The following CEP350 variants were observed in gnomAD, a reference collection of about 807,000 sequenced individuals.
The protein encoded by CEP350 is centrosome-associated protein 350.
In CEP350, 126 loss-of-function variants were observed where a neutral mutation model predicts 331.8. The observed-to-expected ratio is 0.38, with a 90% confidence interval of 0.33 to 0.44. CEP350 has a LOEUF of 0.44. Ranked by LOEUF, CEP350 falls within the 20% of genes least tolerant of loss-of-function variation. CEP350 has a pLI of 1.00. For synonymous variants in CEP350, 1,200 were observed against 1,259.5 expected (o/e 0.95, Z 1.00); for missense variants, 3,406 against 3,634.6 (o/e 0.94, Z 1.62).
intron 3 of CEP350, among the ~76,000 whole-genome samples, chr1:179,987,792 GGT>G (rs1652744874): frequency 6.6e-6 from 1 of 151,828 alleles, no homozygotes; most frequent in Non-Finnish European, 1.5e-5. Flanking sequence ...CAGGCCTGGT[GGT>G]GTGCACCTGT....
intron 1 of CEP350, among the ~76,000 whole-genome samples, chr1:179,970,993 A>G (rs1167708985): frequency 6.7e-6 from 1 of 150,300 alleles, no homozygotes; most frequent in Non-Finnish European, 1.5e-5. Context: ...TGATAAACCT[A>G]TTACATGTTA....
At chr1:180,011,448 G>T (rs923333149) in intron 8 of CEP350, among the ~76,000 whole-genome samples, 6 of 152,008 alleles carry the variant, frequency 3.9e-5, no homozygotes, top group Admixed American at 6.6e-5. Flanking sequence ...TGCTACCTTA[G>T]TTCTTTTTTT....
chr1:180,009,655 T>G (rs762446178), intron 8 of CEP350, among the ~76,000 whole-genome samples: 2 of 152,232 alleles, frequency 1.3e-5, no homozygotes, highest in Non-Finnish European at 2.9e-5. Context: ...AGTGTATTCA[T>G]GGTTGCTTTT....
Position 180,054,498 on chromosome 1 carries a change from A to G in CEP350, c.5258A>G (p.Glu1753Gly), listed in dbSNP as rs759774907. 1.3e-6 allele frequency: 2 copies of G among 1,595,964 alleles called. No individual in the cohort carries two copies. The highest frequency in any genetic ancestry group is 1.7e-6 in the Non-Finnish European group (2 of 1,170,802). ...QRGLLLRLQQ[E>G]KAEIKRLQEA... ...GGTTTGCTTTTAAGGTTGCAGCAAG[A>G]AAAGGTATGTTAGGGAAGGCACCCC... The change falls in exon 25 of 38, where the codon GAA becomes GGA. Residue 1753 changes from glutamate to glycine, a missense_variant. Glu to Gly is a moderately conservative substitution (Grantham distance 98). Transcript: ENST00000367607.
At chr1:180,031,923 A>G (rs1450765088) in intron 15 of CEP350, among the ~76,000 whole-genome samples, 2 of 152,096 alleles carry the variant, frequency 1.3e-5, no homozygotes, top group East Asian at 1.9e-4. Context: ...TCTTTTGTCT[A>G]TAAATGTCAA....
rs1267289889 is a variant in CEP350, at chr1:180,062,047, A to C, written c.5263-173A>C. On this transcript the variant is annotated intron_variant, in intron 25 of 37. Transcript: ENST00000367607. Reference sequence around the variant, plus strand: ...TAAATTATTTTAGAATGGTGGGATTATATATGATTTATTTCCTCCCTCACT... The same window carrying C: ...TAAATTATTTTAGAATGGTGGGATTCTATATGATTTATTTCCTCCCTCACT... 2.0e-5 allele frequency among the ~76,000 whole-genome samples: 3 copies of C among 152,104 alleles called. No individual in the cohort carries two copies. The East Asian group carries it at 5.8e-4, about 29-fold the overall frequency.
intron 37 of CEP350, among the ~76,000 whole-genome samples, chr1:180,107,913 T>G (rs1661237080): frequency 6.6e-6 from 1 of 152,214 alleles, no homozygotes; most frequent in Non-Finnish European, 1.5e-5. Context: ...TTAAATGTAT[T>G]AATTTTTACA....
chr1:180,008,450 G>GCTATTAA (rs1255310061), intron 8 of CEP350, among the ~76,000 whole-genome samples: 2 of 152,006 alleles, frequency 1.3e-5, no homozygotes, highest in African/African-American at 2.4e-5. Flanking sequence ...TCAACTGTTA[G>GCTATTAA]CTATGACTCC....
intron 21 of CEP350, among the ~76,000 whole-genome samples, chr1:180,047,757 CAA>C (rs5779043): frequency 2.7e-5 from 2 of 74,046 alleles, no homozygotes; most frequent in African/African-American, 6.5e-5. Flanking sequence ...TGAAACTCCT[CAA>C]AAAAAAAAAA....
intron 21 of CEP350, among the ~76,000 whole-genome samples, chr1:180,046,660 A>G (rs1444957367): frequency 6.6e-6 from 1 of 152,182 alleles, no homozygotes; most frequent in African/African-American, 2.4e-5. Flanking sequence ...TTGCAAAACT[A>G]TTTTCCAAAG....
At chr1:180,063,385 G>GT (rs1221173097) in intron 26 of CEP350, among the ~76,000 whole-genome samples, 1 of 151,608 alleles carries the variant, frequency 6.6e-6, no homozygotes, top group Non-Finnish European at 1.5e-5. Flanking sequence ...TAGAGATGGA[G>GT]TTTCGCCATG....
At chr1:180,083,908 A>G in intron 30 of CEP350, 110 bp from the exon 31 acceptor site, 1 of 514,072 alleles carries the variant, frequency 1.9e-6, no homozygotes, top group Non-Finnish European at 3.3e-6. Context: ...TAATTATTAG[A>G]TTGGCTTTAT....
rs1355368903 is a variant in CEP350 at position 180,048,551 on chromosome 1, C to T, written c.4638C>T (p.Ser1546=). ...CCATAAAAAGAAGTAGCAGTGGTAG[C>T]AGCCGCCAAGAAAGTCCTTCAGTTC... ...KNHDRRSSSG[S]SRQESPSVPS... Residue 1546 remains serine (S), a synonymous_variant, in exon 22 of 38, where the codon AGC becomes AGT. Coordinates refer to ENST00000367607, the MANE Select transcript of CEP350 (RefSeq NM_014810.5). 1 of 1,603,556 alleles carries T rather than the reference C, an allele frequency of 6.2e-7. No individual in the cohort carries two copies. Among genetic ancestry groups the T allele is most frequent in the Non-Finnish European group, 8.5e-7 (1 of 1,173,990 alleles).
chr1:180,031,614 AC>A (rs2148880264), intron 15 of CEP350, 120 bp downstream of exon 15: 2 of 411,680 alleles, frequency 4.9e-6, no homozygotes, highest in Non-Finnish European at 8.4e-6. Context: ...CTGAGCTACT[AC>A]AAAATTCTGT....
At chr1:180,031,718 T>C (rs1394919120) in intron 15 of CEP350, among the ~76,000 whole-genome samples, 4 of 152,184 alleles carry the variant, frequency 2.6e-5, no homozygotes, top group Non-Finnish European at 5.9e-5. Flanking sequence ...TGTTACAACC[T>C]CTTTCTCAGG....
At chr1:180,016,015 AT>A in intron 11 of CEP350, 45 bp downstream of exon 11, 1 of 1,608,568 alleles carries the variant, frequency 6.2e-7, no homozygotes, top group Non-Finnish European at 8.5e-7. Flanking sequence ...TTTTCATGAA[AT>A]TTAGCGGAGT....
chr1:180,029,680 C>T (rs1284988570), intron 14 of CEP350, among the ~76,000 whole-genome samples: 1 of 152,176 alleles, frequency 6.6e-6, no homozygotes, highest in Non-Finnish European at 1.5e-5. Flanking sequence ...CTATGAATTT[C>T]ACTAGGGAAT....
intron 1 of CEP350, among the ~76,000 whole-genome samples, chr1:179,978,565 AC>A (rs1188238107): frequency 2.6e-5 from 4 of 151,610 alleles, no homozygotes; most frequent in African/African-American, 9.7e-5. Context: ...GCCCCTACTA[AC>A]CTCTGTTCTA....
chr1:180,007,120 T>A (rs1479844965), intron 8 of CEP350, among the ~76,000 whole-genome samples: 3 of 152,238 alleles, frequency 2.0e-5, no homozygotes, highest in African/African-American at 7.2e-5. Flanking sequence ...TTTGGGTATA[T>A]ACCCAATAAT....
Sources: allele counts gnomAD v4.1 joint callset (sites outside exome capture counted in the v4.1 genomes callset), GRCh38; gene constraint gnomAD v4.1.1; transcripts MANE v1.5; gene names NCBI Gene and HGNC (gene_info 2026-07-23, HGNC 2026-07-21).